The following CLASP1 variants were observed in gnomAD, a reference collection of about 807,000 sequenced individuals.
The protein encoded by CLASP1 is CLIP-associating protein 1.
CLASP1 carries 38 observed loss-of-function variants against 192.3 expected under a neutral mutation model. That is an observed-to-expected ratio of 0.20 (90% CI 0.15 to 0.26). The LOEUF is 0.26. Among genes scored for constraint, CLASP1 ranks in the 10% least tolerant of loss-of-function variants. CLASP1 has a pLI of 1.00. For missense variants in CLASP1, 1,433 were observed against 1,932.5 expected, an observed-to-expected ratio of 0.74 and a Z score of 4.85; for synonymous variants, 691 against 712.8, an observed-to-expected ratio of 0.97 and a Z score of 0.49.
chr2:121,520,763 G>A (rs953790572), intron 6 of CLASP1, among the ~76,000 whole-genome samples: 5 of 152,134 alleles, frequency 3.3e-5, no homozygotes, highest in African/African-American at 1.2e-4. Context: ...TTATTGTTAG[G>A]ATGCCTCGGA....
At chr2:121,355,729 C>G (rs1408942594) in intron 37 of CLASP1, among the ~76,000 whole-genome samples, 1 of 152,144 alleles carries the variant, frequency 6.6e-6, no homozygotes, top group Non-Finnish European at 1.5e-5. Context: ...GAGCAAAAGT[C>G]AACATGGGCA....
At chr2:121,501,645 C>G (rs2093758258) in intron 8 of CLASP1, among the ~76,000 whole-genome samples, 1 of 152,056 alleles carries the variant, frequency 6.6e-6, no homozygotes, top group Non-Finnish European at 1.5e-5. Flanking sequence ...TTTTAGATCA[C>G]TTTAGGTATT....
chr2:121,372,407 T>C (rs1286247973), intron 34 of CLASP1, among the ~76,000 whole-genome samples: 1 of 152,222 alleles, frequency 6.6e-6, no homozygotes, highest in Non-Finnish European at 1.5e-5. Flanking sequence ...TCTTTAGTTA[T>C]CTTCAAGCAA....
chr2:121,564,708 C>T (rs994897693), intron 2 of CLASP1, among the ~76,000 whole-genome samples: 4 of 152,264 alleles, frequency 2.6e-5, no homozygotes, highest in East Asian at 1.9e-4. Context: ...AGATTATCAC[C>T]GAAACAACTC....
intron 19 of CLASP1, among the ~76,000 whole-genome samples, chr2:121,441,059 G>GA (rs1418169990): frequency 6.6e-6 from 1 of 152,098 alleles, no homozygotes; most frequent in Non-Finnish European, 1.5e-5. Flanking sequence ...ATACCTTCTA[G>GA]AAAAGACTCC....
intron 2 of CLASP1, among the ~76,000 whole-genome samples, chr2:121,559,462 T>C (rs978215845): frequency 9.9e-5 from 15 of 152,078 alleles, no homozygotes; most frequent in African/African-American, 3.6e-4. Context: ...ACTGACAAAA[T>C]GTGGTATACC....
At chr2:121,554,189 T>G (rs1399080209) in intron 2 of CLASP1, among the ~76,000 whole-genome samples, 1 of 151,986 alleles carries the variant, frequency 6.6e-6, no homozygotes, top group Non-Finnish European at 1.5e-5. Context: ...CACTCTGGCC[T>G]GAGCGACAAA....
intron 28 of CLASP1, 95 bp downstream of exon 29, chr2:121,401,414 G>A: frequency 1.1e-6 from 1 of 875,252 alleles, no homozygotes. Flanking sequence ...ATATTCAAGG[G>A]GGTGACAAAG....
chr2:121,387,782 T>G (rs1243872585), exon 31 of CLASP1: 1 of 1,613,950 alleles, frequency 6.2e-7, no homozygotes, highest in South Asian at 1.1e-5. Flanking sequence ...GTTACTGGAA[T>G]TCTTGAGGTG....
chr2:121,434,955 C>T (rs962009971), intron 19 of CLASP1, among the ~76,000 whole-genome samples: 6 of 151,944 alleles, frequency 3.9e-5, no homozygotes, highest in Non-Finnish European at 8.8e-5. Context: ...TTACTAAATA[C>T]TCTTCAACAG....
chr2:121,481,935 G>A (rs528221264), intron 8 of CLASP1, among the ~76,000 whole-genome samples: 59 of 152,280 alleles, frequency 3.9e-4, no homozygotes, highest in African/African-American at 1.4e-3. Context: ...ACAGCATGTA[G>A]GATTCAGTGT....
Position 121,597,094 on chromosome 2 carries a change from G to A in CLASP1, c.195+8607C>T, listed in dbSNP as rs1025888018. ...TCCCTACTGTGTAAGTACAGCAACT[G>A]GCACATCATACGTGTTTAATTAACT... On this transcript the variant is annotated intron_variant, in intron 2 of 39. Transcript: ENST00000263710. Among the ~76,000 whole-genome samples, 10 of 152,138 alleles carry A rather than the reference G, an allele frequency of 6.6e-5. No individual in the cohort carries two copies. The East Asian group carries it at 1.5e-3, about 23-fold the overall frequency.
At chr2:121,454,562 C>T (rs1472353390) in intron 14 of CLASP1, among the ~76,000 whole-genome samples, 2 of 152,174 alleles carry the variant, frequency 1.3e-5, no homozygotes, top group Non-Finnish European at 2.9e-5. Flanking sequence ...AAAAAAAAAT[C>T]TCATAATGTT....
At chr2:121,578,093 C>T (rs1399605960) in intron 2 of CLASP1, among the ~76,000 whole-genome samples, 4 of 152,010 alleles carry the variant, frequency 2.6e-5, no homozygotes, top group Admixed American at 6.6e-5. Context: ...CCACCACGTC[C>T]GGCTAATTTT....
chr2:121,372,937 T>C (rs2069062796), intron 34 of CLASP1, among the ~76,000 whole-genome samples: 1 of 152,186 alleles, frequency 6.6e-6, no homozygotes, highest in Non-Finnish European at 1.5e-5. Context: ...GTCTTAGTCT[T>C]CAAACAGGCC....
At chr2:121,522,705 A>C (rs545851581) in intron 6 of CLASP1, among the ~76,000 whole-genome samples, 10 of 152,310 alleles carry the variant, frequency 6.6e-5, no homozygotes, top group African/African-American at 2.2e-4. Context: ...TTTGGTAGTG[A>C]AACTAGTGTC....
chr2:121,391,364 A>G (rs988841586), intron 30 of CLASP1, among the ~76,000 whole-genome samples: 3 of 152,208 alleles, frequency 2.0e-5, no homozygotes, highest in South Asian at 2.1e-4. Flanking sequence ...GCAAACAGGA[A>G]AGTTGGGAGG....
In CLASP1 at chr2:121,358,009, G is replaced by C. The variant is rs144582846; in HGVS notation, c.4206+5163C>G. Among the ~76,000 whole-genome samples, 674 of 152,294 alleles carry C rather than the reference G, an allele frequency of 4.4e-3. 2 individuals carry two copies. Among genetic ancestry groups the C allele is most frequent in the African/African-American group, 0.016 (652 of 41,558 alleles). On this transcript the variant is annotated intron_variant, in intron 37 of 39. Transcript: ENST00000263710. ...ATTTCACTTTGAACCACACGACTCT[G>C]CTTTAACCTCAACTAAACCGTAAGG...
chr2:121,588,091 T>C (rs1032278679), intron 2 of CLASP1, among the ~76,000 whole-genome samples: 2 of 149,052 alleles, frequency 1.3e-5, no homozygotes, highest in Non-Finnish European at 3.0e-5. Flanking sequence ...GGAGAATCAC[T>C]TGAACCCGGG....
Sources: allele counts gnomAD v4.1 joint callset (sites outside exome capture counted in the v4.1 genomes callset), GRCh38; gene constraint gnomAD v4.1.1; transcripts MANE v1.5; gene names NCBI Gene and HGNC (gene_info 2026-07-23, HGNC 2026-07-21).